Variants in CHLSN observed in about 807,000 individuals in gnomAD.
The protein encoded by CHLSN is cholesin, also known as protein cholesin.
At chr7:1,024,575 T>C in the CHLSN span, 501 of 152,336 alleles carry the variant, frequency 3.3e-3, 4 homozygotes, top group African/African-American at 0.011. Context: ...AAACCTGTGG[T>C]GTGGGGCAGT....
chr7:1,069,457 C>T, the CHLSN span, among the ~76,000 whole-genome samples: 1,083 of 146,478 alleles, frequency 7.4e-3, 10 homozygotes, highest in African/African-American at 0.025. Context: ...TGCAACCTCC[C>T]TGCCTGATTC....
At chr7:997,527 C>A in the CHLSN span, 1 of 1,120,860 alleles carries the variant, frequency 8.9e-7, no homozygotes, top group Admixed American at 3.8e-5. Flanking sequence ...AGCCGCTGCC[C>A]TGCTGGTGAA....
chr7:1,063,445 C>T, the CHLSN span, among the ~76,000 whole-genome samples: 9 of 152,196 alleles, frequency 5.9e-5, no homozygotes, highest in Non-Finnish European at 7.3e-5. Context: ...TCCCGTGTCC[C>T]GTGTCCTACG....
chr7:1,012,692 T>C, the CHLSN span, among the ~76,000 whole-genome samples: 1 of 152,190 alleles, frequency 6.6e-6, no homozygotes, highest in Non-Finnish European at 1.5e-5. Flanking sequence ...TTTTCCAAAC[T>C]CCTGCTTTCT....
chr7:1,000,483 T>TA, the CHLSN span: 2 of 1,606,002 alleles, frequency 1.2e-6, no homozygotes, highest in Non-Finnish European at 1.7e-6. Context: ...GTCACTGTCA[T>TA]ACATGTGCAG....
At chr7:1,053,673 C>T in the CHLSN span, among the ~76,000 whole-genome samples, 1 of 152,134 alleles carries the variant, frequency 6.6e-6, no homozygotes, top group Non-Finnish European at 1.5e-5. Context: ...ACTGAAAATA[C>T]AAAATTAGCT....
chr7:1,124,342 AG>A, the CHLSN span, among the ~76,000 whole-genome samples: 7 of 151,538 alleles, frequency 4.6e-5, no homozygotes, highest in African/African-American at 1.7e-4. Context: ...TTCACCAAGA[AG>A]GGAGAGCCAG....
At chr7:1,068,030 G>A in the CHLSN span, among the ~76,000 whole-genome samples, 1 of 152,152 alleles carries the variant, frequency 6.6e-6, no homozygotes, top group Non-Finnish European at 1.5e-5. Context: ...GGACGCTGCA[G>A]CACACGCTGC....
At chr7:1,109,891 ACCT>A in the CHLSN span, among the ~76,000 whole-genome samples, 1 of 150,900 alleles carries the variant, frequency 6.6e-6, no homozygotes, top group African/African-American at 2.4e-5. Flanking sequence ...CTCCATCCTC[ACCT>A]CCTCACGGGC....
the CHLSN span, chr7:1,026,700 A>G: frequency 1.2e-4 from 18 of 152,198 alleles, no homozygotes; most frequent in East Asian, 3.9e-4. Flanking sequence ...CCATGCAAAG[A>G]CATCCACGCC....
At chr7:1,058,254 A>T in the CHLSN span, 2 of 769,820 alleles carry the variant, frequency 2.6e-6, no homozygotes, top group Admixed American at 3.4e-5. Context: ...TGGGCTCTGG[A>T]CGCCACACTA....
At chr7:980,780 C>T in the CHLSN span, among the ~76,000 whole-genome samples, 15 of 151,290 alleles carry the variant, frequency 9.9e-5, no homozygotes, top group East Asian at 1.2e-3. Context: ...CTCCGCCTCC[C>T]GGGTTCACGC....
At chr7:1,125,694 C>G in the CHLSN span, among the ~76,000 whole-genome samples, 1 of 152,244 alleles carries the variant, frequency 6.6e-6, no homozygotes, top group Non-Finnish European at 1.5e-5. Flanking sequence ...AGAACAGGAA[C>G]AAAGCCTGTG....
At chr7:1,070,298 G>T in the CHLSN span, among the ~76,000 whole-genome samples, 6 of 144,526 alleles carry the variant, frequency 4.2e-5, no homozygotes, top group African/African-American at 5.0e-5. Context: ...CCCCATCCGG[G>T]AGGGAGGTGG....
At chr7:1,021,560 A>T in the CHLSN span, 1 of 985,450 alleles carries the variant, frequency 1.0e-6, no homozygotes, top group Non-Finnish European at 1.2e-6. Context: ...GTAGGGCTTC[A>T]GCAGCTGTCA....
At chr7:1,075,757 T>C in the CHLSN span, among the ~76,000 whole-genome samples, 3 of 151,030 alleles carry the variant, frequency 2.0e-5, no homozygotes, top group Non-Finnish European at 4.4e-5. Flanking sequence ...GGACTACAGG[T>C]GCCCGCCACC....
the CHLSN span, among the ~76,000 whole-genome samples, chr7:1,022,437 C>T: frequency 1.3e-5 from 2 of 152,340 alleles, no homozygotes; most frequent in East Asian, 1.9e-4. Context: ...AATCCCACGG[C>T]GTTAACTCAC....
At chr7:1,133,626 C>T in the CHLSN span, among the ~76,000 whole-genome samples, 2 of 151,244 alleles carry the variant, frequency 1.3e-5, no homozygotes, top group African/African-American at 2.4e-5. Flanking sequence ...TGGTGGCAGG[C>T]GCCTGTAGTC....
the CHLSN span, among the ~76,000 whole-genome samples, chr7:991,556 C>T: frequency 1.3e-4 from 20 of 152,222 alleles, no homozygotes; most frequent in Admixed American, 1.3e-4. Context: ...CCTGGGTGCC[C>T]GTTTCTCACA....
Sources: allele counts gnomAD v4.1 joint callset (sites outside exome capture counted in the v4.1 genomes callset), GRCh38; gene constraint gnomAD v4.1.1; transcripts MANE v1.5; gene names NCBI Gene and HGNC (gene_info 2026-07-23, HGNC 2026-07-21).